The following ZBTB20 variants were observed in gnomAD, a reference collection of about 807,000 sequenced individuals.
The protein encoded by ZBTB20 is zinc finger and BTB domain containing 20, also known as zinc finger and BTB domain-containing protein 20.
In ZBTB20, 9 loss-of-function variants were observed where a neutral mutation model predicts 56.9. The observed-to-expected ratio is 0.16, with a 90% CI of 0.10 to 0.28. The LOEUF (loss-of-function observed/expected upper bound fraction) is 0.28, where lower values mean the gene tolerates loss of function less well. Ranked by LOEUF, ZBTB20 falls within the 10% of genes least tolerant of loss-of-function variation. ZBTB20 has a pLI of 1.00. For missense variants in ZBTB20, 655 were observed against 1,003.0 expected (o/e 0.65, Z 4.69); for synonymous variants, 417 against 420.7 (o/e 0.99, Z 0.11).
intron 3 of ZBTB20, among the ~76,000 whole-genome samples, chr3:114,954,769 T>C (rs2077192195): frequency 6.6e-6 from 1 of 152,132 alleles, no homozygotes; most frequent in South Asian, 2.1e-4. Flanking sequence ...CAACTGCAAA[T>C]ACTGTTAGAG....
chr3:114,343,993 G>A (rs1053395170), intron 11 of ZBTB20, among the ~76,000 whole-genome samples: 2 of 151,806 alleles, frequency 1.3e-5, no homozygotes, highest in Non-Finnish European at 2.9e-5. Flanking sequence ...AGGTTGAAGT[G>A]AGCAGAGATG....
rs946162728 is a variant in ZBTB20, at chr3:114,488,453, T to G, written c.-255+11899A>C. Among the ~76,000 whole-genome samples, 3 of 152,260 alleles carry G rather than the reference T, an allele frequency of 2.0e-5. 1 individual carries two copies. Among genetic ancestry groups the G allele is most frequent in the African/African-American group, 7.2e-5 (3 of 41,468 alleles). On this transcript the variant is annotated intron_variant, in intron 7 of 11. Coordinates refer to ENST00000675478, the MANE Select transcript of ZBTB20 (RefSeq NM_001348800.3). Reference sequence around the variant, plus strand: ...GATTTTCTACCATAGTAATTTTTATTTTCATGTAATAAAATTTAAAATACA... The same window carrying G: ...GATTTTCTACCATAGTAATTTTTATGTTCATGTAATAAAATTTAAAATACA...
chr3:114,922,999 C>A (rs2076017256), intron 3 of ZBTB20, among the ~76,000 whole-genome samples: 1 of 152,092 alleles, frequency 6.6e-6, no homozygotes, highest in South Asian at 2.1e-4. Flanking sequence ...AATACAATAA[C>A]ATACTAAGAA....
intron 2 of ZBTB20, among the ~76,000 whole-genome samples, chr3:115,001,945 T>C (rs1320390610): frequency 6.6e-6 from 1 of 151,354 alleles, no homozygotes; most frequent in East Asian, 2.0e-4. Flanking sequence ...GGAAACACAA[T>C]ATTGAAGAAA....
At position 114,317,224 on chromosome 3, in the gene ZBTB20, T is replaced by C. The variant is rs913886512; in HGVS notation, c.*21781A>G. ...GATGCAAACCCCATTTCAAAGAGCC[T>C]CTCCCATTGCTCCATTAAAATATTG... is the stretch of plus-strand genomic sequence containing the variant. On this transcript the variant is annotated 3_prime_UTR_variant, in exon 12 of 12. Transcript: ENST00000675478. The C allele has an allele frequency of 1.3e-5, 2 of 152,368 alleles. No individual in the cohort carries two copies. Among genetic ancestry groups the C allele is most frequent in the African/African-American group, 4.8e-5 (2 of 41,418 alleles). The allele number at this position is 152,368 out of a possible 1,614,324, so 9.4% of individuals were successfully genotyped here.
chr3:115,077,742 G>A (rs1235622939), intron 1 of ZBTB20, among the ~76,000 whole-genome samples: 2 of 152,162 alleles, frequency 1.3e-5, no homozygotes, highest in Non-Finnish European at 2.9e-5. Flanking sequence ...GACAAGTGTT[G>A]ATGAGGATGT....
rs2108074007 is a variant in ZBTB20, at chr3:114,337,756, ATTCT to A, written c.*1245_*1248del. 6.6e-6 allele frequency: 1 copy of A among 152,264 alleles called. No individual in the cohort carries two copies. The highest frequency in any genetic ancestry group is 1.9e-4 in the East Asian group (1 of 5,188). The allele number at this position is 152,264 out of a possible 1,614,324, so 9.4% of individuals were successfully genotyped here. ...TCAAATATAACTTTAGTTGCCTTTT[ATTCT>A]TTCTATCTGGAAGCAGTATCGCTAA... is the stretch of plus-strand genomic sequence containing the variant. On this transcript the variant is annotated 3_prime_UTR_variant, in exon 12 of 12. Coordinates refer to ENST00000675478, the MANE Select transcript of ZBTB20 (RefSeq NM_001348800.3).
intron 2 of ZBTB20, among the ~76,000 whole-genome samples, chr3:114,993,379 G>A (rs1416832433): frequency 6.6e-6 from 1 of 151,748 alleles, no homozygotes; most frequent in Non-Finnish European, 1.5e-5. Flanking sequence ...CAACAGGAAA[G>A]AATACAATTA....
At chr3:115,132,157 T>A (rs1449917657) in intron 1 of ZBTB20, among the ~76,000 whole-genome samples, 1 of 152,224 alleles carries the variant, frequency 6.6e-6, no homozygotes, top group African/African-American at 2.4e-5. Flanking sequence ...TGTTTTCCCA[T>A]CCTAAACCAG....
At chr3:114,524,979 G>C (rs2047053067) in intron 6 of ZBTB20, among the ~76,000 whole-genome samples, 1 of 152,172 alleles carries the variant, frequency 6.6e-6, no homozygotes, top group Admixed American at 6.5e-5. Flanking sequence ...CTCCCAAAAT[G>C]TTGGGATTAC....
At chr3:114,639,935 A>T (rs2059468526) in intron 6 of ZBTB20, among the ~76,000 whole-genome samples, 1 of 152,042 alleles carries the variant, frequency 6.6e-6, no homozygotes, top group Admixed American at 6.6e-5. Context: ...CATTATAAAG[A>T]TATTCTAAGA....
intron 5 of ZBTB20, among the ~76,000 whole-genome samples, chr3:114,799,350 T>A (rs745395844): frequency 6.6e-6 from 1 of 151,902 alleles, no homozygotes; most frequent in Non-Finnish European, 1.5e-5. Context: ...AATGGTCAAT[T>A]CTCACTTTGG....
chr3:114,321,195 CATATA>C lies in ZBTB20; in HGVS notation c.*17805_*17809del, dbSNP rs1307273096. The C allele has an allele frequency of 6.6e-6, 1 of 152,140 alleles. No individual in the cohort carries two copies. The highest frequency in any genetic ancestry group is 1.5e-5 in the Non-Finnish European group (1 of 68,024). 9.4% of individuals were successfully genotyped at this position (152,140 alleles called of 1,614,324 possible). A position where few individuals can be genotyped will look rare whatever the true frequency, so the allele number is the denominator to read the frequency against. On this transcript the variant is annotated 3_prime_UTR_variant, in exon 12 of 12. Transcript: ENST00000675478. ...AGGAACCAAATGACTTTTCTAGTAA[CATATA>C]ATATATGAGATGAAATATAATTCTG... is the stretch of plus-strand genomic sequence containing the variant.
At chr3:114,844,367 ATATATT>A (rs1193587867) in intron 4 of ZBTB20, among the ~76,000 whole-genome samples, 1 of 91,718 alleles carries the variant, frequency 1.1e-5, no homozygotes, top group Non-Finnish European at 2.3e-5. Context: ...ATATATATAT[ATATATT>A]AGCTGAGAGT....
At position 114,392,457 on chromosome 3, in the gene ZBTB20, G is replaced by C. The variant is rs570697991; in HGVS notation, c.-254-3352C>G. 2.6e-5 allele frequency among the ~76,000 whole-genome samples: 4 copies of C among 152,206 alleles called. No homozygotes were observed. In the South Asian group the frequency reaches 8.3e-4, roughly 32 times the overall value. On this transcript the variant is annotated intron_variant, in intron 7 of 11. Transcript: ENST00000675478. ...CAAATAAAATGTTAAAAATACCACT[G>C]GGGTGATAAACTCAGGCTGAAAATA...
intron 6 of ZBTB20, among the ~76,000 whole-genome samples, chr3:114,538,324 C>T (rs763278970): frequency 6.6e-6 from 1 of 152,098 alleles, no homozygotes; most frequent in Non-Finnish European, 1.5e-5. Context: ...AATCACTCTT[C>T]AATGTTTTCC....
At chr3:114,749,568 AAAGGAAGG>A (rs71146333) in intron 5 of ZBTB20, among the ~76,000 whole-genome samples, 20,698 of 135,792 alleles carry the variant, frequency 0.15, 1,745 homozygotes, top group East Asian at 0.28. Flanking sequence ...GAAAGAAAGA[AAAGGAAGG>A]AAGGAAGGAA....
Position 114,335,649 on chromosome 3 carries a change from A to G in ZBTB20, c.*3356T>C, listed in dbSNP as rs1044927148. ...CAGCTTCTTCCTCTTTCCACAAAAT[A>G]ATTTGTCAACTATTTTAGAATGTGA... On this transcript the variant is annotated 3_prime_UTR_variant, in exon 12 of 12. Coordinates refer to ENST00000675478, the MANE Select transcript of ZBTB20 (RefSeq NM_001348800.3). 1.3e-5 allele frequency: 2 copies of G among 152,370 alleles called. No homozygotes were observed. The highest frequency in any genetic ancestry group is 1.3e-4 in the Admixed American group (2 of 15,308). 9.4% of individuals were successfully genotyped at this position (152,370 alleles called of 1,614,324 possible).
intron 6 of ZBTB20, among the ~76,000 whole-genome samples, chr3:114,650,844 T>C (rs888068388): frequency 6.6e-6 from 1 of 151,912 alleles, no homozygotes; most frequent in African/African-American, 2.4e-5. Context: ...CACTGAAAAA[T>C]AAACGTGATA....
Sources: allele counts gnomAD v4.1 joint callset (sites outside exome capture counted in the v4.1 genomes callset), GRCh38; gene constraint gnomAD v4.1.1; transcripts MANE v1.5; gene names NCBI Gene and HGNC (gene_info 2026-07-23, HGNC 2026-07-21).